CCDC171: variants seen among roughly 807,000 people sequenced by gnomAD.
The protein encoded by CCDC171 is coiled-coil domain-containing protein 171.
Under a neutral mutation model 168.2 loss-of-function variants are expected in CCDC171, and 177 were observed. The ratio of observed to expected loss-of-function variants is 1.05; its 90% CI spans 0.93 to 1.19. The LOEUF is 1.19. Among genes scored for constraint, CCDC171 ranks in the 50% most tolerant of loss-of-function variants. The pLI, the probability that CCDC171 is intolerant of heterozygous loss-of-function variation, is 0.00. For missense variants in CCDC171, 1,991 were observed against 1,539.0 expected, an observed-to-expected ratio of 1.29 and a Z score of -4.91; for synonymous variants, 687 against 540.8, an observed-to-expected ratio of 1.27 and a Z score of -3.75.
chr9:15,720,263 CTTCT>C (rs886606840), intron 11 of CCDC171, among the ~76,000 whole-genome samples: 2 of 152,210 alleles, frequency 1.3e-5, no homozygotes, highest in African/African-American at 4.8e-5. Context: ...CCCTTTCTTC[CTTCT>C]TTATTACTGC....
At chr9:15,822,464 A>G (rs1295390497) in intron 21 of CCDC171, among the ~76,000 whole-genome samples, 1 of 152,152 alleles carries the variant, frequency 6.6e-6, no homozygotes, top group Non-Finnish European at 1.5e-5. Flanking sequence ...CAGAATCTAC[A>G]ATGAACTCAA....
intron 20 of CCDC171, among the ~76,000 whole-genome samples, chr9:15,781,365 G>T (rs895853102): frequency 1.3e-5 from 2 of 152,126 alleles, no homozygotes; most frequent in African/African-American, 4.8e-5. Context: ...TTGAGGAAGT[G>T]CAGGAATAAA....
At chr9:15,728,393 C>T (rs1234693114) in intron 15 of CCDC171, among the ~76,000 whole-genome samples, 1 of 152,098 alleles carries the variant, frequency 6.6e-6, no homozygotes, top group East Asian at 1.9e-4. Context: ...TTTATGTTAG[C>T]ATAAAATAGA....
intron 18 of CCDC171, among the ~76,000 whole-genome samples, chr9:15,773,670 A>G (rs2057133455): frequency 6.6e-6 from 1 of 151,772 alleles, no homozygotes; most frequent in Non-Finnish European, 1.5e-5. Context: ...CTGTATTATT[A>G]TATAAATAAT....
chr9:16,081,109 C>G, the CCDC171 span, among the ~76,000 whole-genome samples: 1 of 152,302 alleles, frequency 6.6e-6, no homozygotes, highest in Non-Finnish European at 1.5e-5. Flanking sequence ...AAAGTTCAGA[C>G]ACGCCATCAG....
intron 2 of CCDC171, among the ~76,000 whole-genome samples, chr9:15,568,912 T>C (rs1471287058): frequency 6.6e-6 from 1 of 152,214 alleles, no homozygotes; most frequent in East Asian, 1.9e-4. Context: ...TAGATCCCAT[T>C]GGTCAATTTT....
chr9:15,732,569 A>C (rs2054219148), intron 16 of CCDC171, among the ~76,000 whole-genome samples: 1 of 152,140 alleles, frequency 6.6e-6, no homozygotes, highest in Admixed American at 6.6e-5. Flanking sequence ...GGGTCTGGTT[A>C]CTTTCACTTA....
chr9:15,798,299 A>G (rs182424444), intron 21 of CCDC171, among the ~76,000 whole-genome samples: 201 of 151,702 alleles, frequency 1.3e-3, no homozygotes, highest in Non-Finnish European at 2.4e-3. Context: ...GGTAATTCAT[A>G]TTTTCTCTTT....
At chr9:15,726,029 G>A (rs1483484453) in intron 14 of CCDC171, among the ~76,000 whole-genome samples, 1 of 152,108 alleles carries the variant, frequency 6.6e-6, no homozygotes, top group Non-Finnish European at 1.5e-5. Flanking sequence ...TCTAGCTAGT[G>A]GAACTGGTTT....
At chr9:15,791,079 G>A (rs1306506621) in intron 21 of CCDC171, among the ~76,000 whole-genome samples, 1 of 152,172 alleles carries the variant, frequency 6.6e-6, no homozygotes, top group Non-Finnish European at 1.5e-5. Flanking sequence ...TGGCGATGCG[G>A]GCTCTTTTTT....
intron 25 of CCDC171, among the ~76,000 whole-genome samples, chr9:15,945,535 G>C (rs1286950016): frequency 6.9e-6 from 1 of 145,262 alleles, no homozygotes; most frequent in African/African-American, 2.5e-5. Flanking sequence ...ATCCTCTCCA[G>C]CACCTGTTGT....
At chr9:16,095,437 A>G in the CCDC171 span, among the ~76,000 whole-genome samples, 3 of 152,016 alleles carry the variant, frequency 2.0e-5, no homozygotes, top group Admixed American at 2.0e-4. Context: ...TTTTCTTTCA[A>G]GCTTCTGAAA....
intron 1 of CCDC171, among the ~76,000 whole-genome samples, chr9:15,559,680 A>G (rs911489808): frequency 2.0e-5 from 3 of 151,992 alleles, no homozygotes; most frequent in African/African-American, 2.4e-5. Flanking sequence ...TCTTGACTGT[A>G]TCCAATTTGC....
chr9:15,719,971 A>G (rs1398846306), intron 11 of CCDC171, among the ~76,000 whole-genome samples: 3 of 83,458 alleles, frequency 3.6e-5, no homozygotes, highest in East Asian at 4.0e-4. Context: ...ACTCATAGTC[A>G]TTACGAAGAG....
At chr9:15,766,003 GT>G (rs1316900688) in intron 18 of CCDC171, among the ~76,000 whole-genome samples, 1 of 152,122 alleles carries the variant, frequency 6.6e-6, no homozygotes, top group Admixed American at 6.6e-5. Flanking sequence ...CGGAGGACAC[GT>G]TTGTTTACTT....
intron 25 of CCDC171, among the ~76,000 whole-genome samples, chr9:15,966,552 AGTT>A (rs140477080): frequency 0.017 from 2,637 of 152,212 alleles, 87 homozygotes; most frequent in African/African-American, 0.061. Context: ...CTGAGGACAG[AGTT>A]GTTGTGATGT....
intron 6 of CCDC171, among the ~76,000 whole-genome samples, chr9:16,026,731 C>T (rs559473087): frequency 2.0e-5 from 3 of 152,254 alleles, no homozygotes; most frequent in African/African-American, 7.2e-5. Context: ...ATCATTAAAA[C>T]TGGAGATATA....
intron 18 of CCDC171, among the ~76,000 whole-genome samples, chr9:15,752,131 T>C (rs1183665889): frequency 1.3e-5 from 2 of 152,212 alleles, no homozygotes; most frequent in Non-Finnish European, 2.9e-5. Context: ...AGGACATTTA[T>C]ACAACCAACA....
intron 25 of CCDC171, among the ~76,000 whole-genome samples, chr9:15,970,431 G>T (rs1831236417): frequency 6.6e-6 from 1 of 151,342 alleles, no homozygotes; most frequent in South Asian, 2.1e-4. Flanking sequence ...TATAGAGTAT[G>T]ATTTTTAGTG....
Sources: allele counts gnomAD v4.1 joint callset (sites outside exome capture counted in the v4.1 genomes callset), GRCh38; gene constraint gnomAD v4.1.1; transcripts MANE v1.5; gene names NCBI Gene and HGNC (gene_info 2026-07-23, HGNC 2026-07-21).